SETBP1: variants seen among roughly 807,000 people sequenced by gnomAD.
SETBP1 encodes SET-binding protein.
SETBP1 carries 9 observed loss-of-function variants against 101.0 expected under a neutral mutation model. That is an observed-to-expected ratio of 0.09 (90% CI 0.05 to 0.16). The LOEUF is 0.16. Among genes scored for constraint, SETBP1 ranks in the 10% least tolerant of loss-of-function variants. The pLI, the probability that SETBP1 is intolerant of heterozygous loss-of-function variation, is 1.00. For synonymous variants in SETBP1, 818 were observed against 788.5 expected (o/e 1.04, Z -0.63); for missense variants, 1,858 against 2,033.8 (o/e 0.91, Z 1.66).
Position 44,951,549 on chromosome 18 carries a change from C to G in SETBP1, c.2209C>G (p.Pro737Ala), listed in dbSNP as rs1470620191. The G allele has an allele frequency of 3.7e-6, 6 of 1,614,098 alleles. No homozygotes were observed. The highest frequency in any genetic ancestry group is 5.1e-6 in the Non-Finnish European group (6 of 1,180,022). The change falls in exon 4 of 6, where the codon CCC becomes GCC. Residue 737 changes from proline to alanine, a missense_variant. Around this residue, in one of 12 missense-constraint regions of SETBP1, gnomAD observed 121 missense variants for 138.0 expected, o/e 0.88. Coordinates refer to ENST00000649279, the MANE Select transcript of SETBP1 (RefSeq NM_015559.3). This position sits in a 1 kb window ranked among gnomAD's most constrained non-coding sequence, Gnocchi z 7.8. ...RGRKPRAELPPPSEEPKTAIK... is the reference protein window; with the variant it reads ...RGRKPRAELPAPSEEPKTAIK... The stretch of plus-strand genomic sequence containing the variant: ...CAGGAAGCCAAGAGCAGAGCTGCCA[C>G]CCCCATCCGAAGAACCCAAAACAGC...
rs145529951 is a variant in SETBP1 at position 44,771,223 on chromosome 18, G to C, written c.486+69391G>C. On this transcript the variant is annotated intron_variant, in intron 2 of 5. Transcript: ENST00000649279. ...TCTACTAGGAGTTAGGGACAGTCTA[G>C]AGCATTCTTTGGATGGTAGGATTGA... Among the ~76,000 whole-genome samples, 4 of 147,170 alleles carry C rather than the reference G, an allele frequency of 2.7e-5. No homozygotes were observed. The East Asian group carries it at 8.0e-4, about 30-fold the overall frequency.
chr18:44,821,625 T>G (rs908239410), intron 2 of SETBP1, among the ~76,000 whole-genome samples: 1 of 152,220 alleles, frequency 6.6e-6, no homozygotes, highest in African/African-American at 2.4e-5. Context: ...CTCAAAGACT[T>G]TATATACCCC....
At position 44,919,418 on chromosome 18, in the gene SETBP1, C is replaced by T. The variant is rs535384943; in HGVS notation, c.541-30463C>T. Among the ~76,000 whole-genome samples, 28 of 150,868 alleles carry T rather than the reference C, an allele frequency of 1.9e-4. No individual in the cohort carries two copies. The East Asian group carries it at 2.9e-3, about 16-fold the overall frequency. ...AGGCTGGAGTGCAATGGCACAATCT[C>T]GGCTGACTGCAACCTCCACTTCCCT... is the stretch of plus-strand genomic sequence containing the variant. On this transcript the variant is annotated intron_variant, in intron 3 of 5. Coordinates refer to ENST00000649279, the MANE Select transcript of SETBP1 (RefSeq NM_015559.3).
At chr18:44,933,819 AGT>A (rs1421108840) in intron 3 of SETBP1, among the ~76,000 whole-genome samples, 1 of 152,078 alleles carries the variant, frequency 6.6e-6, no homozygotes, top group Non-Finnish European at 1.5e-5. Context: ...TTAGGGTGGG[AGT>A]GTCCCAATTT....
At chr18:44,876,583 G>A (rs369692660) in intron 3 of SETBP1, 2 of 1,550,764 alleles carry the variant, frequency 1.3e-6, no homozygotes, top group African/African-American at 1.4e-5. Context: ...CTCCAGTAAG[G>A]AGGAAGTCTG....
At chr18:45,026,859 G>A (rs566705877) in intron 4 of SETBP1, among the ~76,000 whole-genome samples, 1 of 152,274 alleles carries the variant, frequency 6.6e-6, no homozygotes, top group Non-Finnish European at 1.5e-5. Flanking sequence ...AACCAACTTA[G>A]GCAAGAATTC....
chr18:44,872,280 A>G (rs1326407322), intron 3 of SETBP1: 4 of 152,226 alleles, frequency 2.6e-5, no homozygotes, highest in Admixed American at 2.6e-4. Flanking sequence ...AATTTGGAAT[A>G]TACAGAAAAC....
At chr18:44,895,798 A>G (rs2069887597) in intron 3 of SETBP1, among the ~76,000 whole-genome samples, 1 of 152,204 alleles carries the variant, frequency 6.6e-6, no homozygotes. Context: ...TCTTCAGGAA[A>G]AATTAAATAT....
rs556218917 is a variant in SETBP1, at chr18:44,854,110, C to T, written c.487-15120C>T. ...GTCTCCCCTAATAGACTCTTGGGTT[C>T]CCTGAGAGCAGGGCTTATATATTAT... On this transcript the variant is annotated intron_variant, in intron 2 of 5. Coordinates refer to ENST00000649279, the MANE Select transcript of SETBP1 (RefSeq NM_015559.3). Among the ~76,000 whole-genome samples the T allele has an allele frequency of 5.9e-5, 9 of 152,142 alleles. No homozygotes were observed. The East Asian group carries it at 1.7e-3, about 29-fold the overall frequency.
Position 45,063,146 on chromosome 18 carries a change from G to C in SETBP1, c.4239G>C (p.Lys1413Asn), listed in dbSNP as rs200002988. Residue 1413 changes from lysine (K) to asparagine (N), a missense_variant, in exon 6 of 6, where the codon AAG becomes AAC. Coordinates refer to ENST00000649279, the MANE Select transcript of SETBP1 (RefSeq NM_015559.3). ...EIEAIQCEVR[K>N]MCNYTKILST... Reference sequence around the variant, plus strand: ...AAGCCATCCAGTGCGAAGTGCGGAAGATGTGCAACTACACCAAGATCCTGT... The same window carrying C: ...AAGCCATCCAGTGCGAAGTGCGGAACATGTGCAACTACACCAAGATCCTGT... 3 of 1,614,012 alleles carry C rather than the reference G, an allele frequency of 1.9e-6. No individual in the cohort carries two copies. Among genetic ancestry groups the C allele is most frequent in the South Asian group, 1.1e-5 (1 of 91,054 alleles).
intron 2 of SETBP1, among the ~76,000 whole-genome samples, chr18:44,846,581 C>G (rs1016223780): frequency 2.0e-5 from 3 of 152,178 alleles, no homozygotes; most frequent in African/African-American, 7.2e-5. Flanking sequence ...AAAAGAATCT[C>G]AGGTGATTAG....
At chr18:44,860,750 A>AG (rs1441278590) in intron 2 of SETBP1, among the ~76,000 whole-genome samples, 1 of 151,648 alleles carries the variant, frequency 6.6e-6, no homozygotes. Context: ...TTCATCTCAA[A>AG]AAAAAAAAAA....
intron 4 of SETBP1, among the ~76,000 whole-genome samples, chr18:44,991,244 CAAAAAAAAAAA>C (rs55811938): frequency 1.5e-5 from 1 of 68,216 alleles, no homozygotes; most frequent in East Asian, 3.2e-4. Context: ...CTGCATCTCA[CAAAAAAAAAAA>C]AAAAAAAAAA....
chr18:44,690,042 C>T (rs962273731), intron 1 of SETBP1, among the ~76,000 whole-genome samples: 7 of 152,158 alleles, frequency 4.6e-5, no homozygotes, highest in Admixed American at 4.6e-4. Flanking sequence ...GTCCTGTCCG[C>T]TACCAGCTCT....
chr18:45,011,805 G>A (rs1265092170), intron 4 of SETBP1, among the ~76,000 whole-genome samples: 2 of 152,174 alleles, frequency 1.3e-5, no homozygotes, highest in African/African-American at 4.8e-5. Flanking sequence ...GTGATCTTGA[G>A]CAATCAGTCT....
chr18:44,879,935 G>A (rs1272731190), intron 3 of SETBP1, among the ~76,000 whole-genome samples: 2 of 152,156 alleles, frequency 1.3e-5, no homozygotes, highest in African/African-American at 2.4e-5. Flanking sequence ...TTTAATAAAT[G>A]TATCAGTAGT....
At chr18:44,935,080 C>A (rs2070928655) in intron 3 of SETBP1, among the ~76,000 whole-genome samples, 1 of 135,470 alleles carries the variant, frequency 7.4e-6, no homozygotes, top group Non-Finnish European at 1.6e-5. Flanking sequence ...GAATCCAAGG[C>A]TCAGACTCCA....
intron 2 of SETBP1, among the ~76,000 whole-genome samples, chr18:44,819,934 C>T (rs1001835386): frequency 6.6e-6 from 1 of 152,028 alleles, no homozygotes; most frequent in Non-Finnish European, 1.5e-5. Context: ...CAGGTTAGGG[C>T]GAAGAAGGAT....
intron 2 of SETBP1, among the ~76,000 whole-genome samples, chr18:44,742,542 T>C (rs553913460): frequency 3.3e-5 from 5 of 152,344 alleles, no homozygotes; most frequent in African/African-American, 1.2e-4. Context: ...GCTATTGCCA[T>C]GAAAGAAGAT....
Sources: gnomAD v4.1 joint callset for allele counts (sites outside exome capture counted in the v4.1 genomes callset) on GRCh38, gnomAD v4.1.1 for gene constraint, gnomAD v4.1.1 regional missense constraint, Gnocchi (gnomAD v3.1) non-coding constraint, MANE v1.5 for transcripts, NCBI Gene and HGNC (gene_info 2026-07-23, HGNC 2026-07-21) for gene names.